SPOCK3: variants seen among roughly 807,000 people sequenced by gnomAD.
SPOCK3 encodes the protein SPARC (osteonectin), cwcv and kazal like domains proteoglycan 3, also known as testican-3.
SPOCK3 carries 30 observed loss-of-function variants against 56.6 expected under a neutral mutation model. That is an observed-to-expected ratio of 0.53 (90% CI 0.40 to 0.72). The LOEUF is 0.72. SPOCK3 is among the 30% of genes least tolerant of loss of function. SPOCK3 has a pLI of 0.00. For missense variants in SPOCK3, 527 were observed against 530.0 expected (o/e 0.99, Z 0.06); for synonymous variants, 196 against 183.3 (o/e 1.07, Z -0.56).
At position 166,986,454 on chromosome 4, in the gene SPOCK3, T is replaced by C. The variant is rs184727405; in HGVS notation, c.350+13895A>G. Among the ~76,000 whole-genome samples the C allele has an allele frequency of 4.4e-4, 67 of 152,296 alleles. No homozygotes were observed. The East Asian group carries it at 0.013, about 29-fold the overall frequency. On this transcript the variant is annotated intron_variant, in intron 4 of 10. Transcript: ENST00000357545. ...GAAACACATATCACACAGATTGCCTTGTCACGGTGTCCCCTTAGCCTGTCT... is the reference window on the plus strand; with the variant it reads ...GAAACACATATCACACAGATTGCCTCGTCACGGTGTCCCCTTAGCCTGTCT...
intron 3 of SPOCK3, among the ~76,000 whole-genome samples, chr4:167,050,769 T>A (rs1025232160): frequency 6.6e-6 from 1 of 152,168 alleles, no homozygotes; most frequent in Admixed American, 6.5e-5. Flanking sequence ...TTGAAGACAT[T>A]ACACTAAGTG....
chr4:166,948,144 C>A (rs898713614), intron 4 of SPOCK3, among the ~76,000 whole-genome samples: 1 of 152,126 alleles, frequency 6.6e-6, no homozygotes. Context: ...GCTTATTTCA[C>A]TTAACATAAT....
rs1419251842 is a variant in SPOCK3, at chr4:166,734,110, A to G, written c.*811T>C. On this transcript the variant is annotated 3_prime_UTR_variant, in exon 11 of 11. Coordinates refer to ENST00000357545, the MANE Select transcript of SPOCK3 (RefSeq NM_001040159.2). The stretch of plus-strand genomic sequence containing the variant: ...ACTTTGTAAAAATATGGTTTAAATG[A>G]ATCTTTCCCTTTGTCTTCCTAATTT... The G allele has an allele frequency of 6.6e-6, 1 of 151,946 alleles. No homozygotes were observed. Among genetic ancestry groups the G allele is most frequent in the Non-Finnish European group, 1.5e-5 (1 of 67,830 alleles). The allele number at this position is 151,946 out of a possible 1,614,324, so 9.4% of individuals were successfully genotyped here. A position where few individuals can be genotyped will look rare whatever the true frequency, so the allele number is the denominator to read the frequency against.
intron 6 of SPOCK3, among the ~76,000 whole-genome samples, chr4:166,852,387 G>T (rs532528779): frequency 2.6e-5 from 4 of 152,080 alleles, no homozygotes. Flanking sequence ...CTGAGGTGCT[G>T]CCATGATAGG....
intron 6 of SPOCK3, among the ~76,000 whole-genome samples, chr4:166,801,631 T>C (rs1269268980): frequency 9.2e-5 from 14 of 152,074 alleles, no homozygotes; most frequent in Non-Finnish European, 1.5e-5. Flanking sequence ...TCTCAATACA[T>C]ATAGACAACT....
At chr4:167,013,788 A>T (rs1579996425) in intron 3 of SPOCK3, among the ~76,000 whole-genome samples, 1 of 152,036 alleles carries the variant, frequency 6.6e-6, no homozygotes, top group Non-Finnish European at 1.5e-5. Flanking sequence ...GTTTATCGGT[A>T]GTTCCTTGAT....
intron 2 of SPOCK3, among the ~76,000 whole-genome samples, chr4:167,080,868 CTCTT>C (rs1270983309): frequency 8.7e-5 from 13 of 149,510 alleles, no homozygotes; most frequent in South Asian, 4.2e-4. Flanking sequence ...GTCCTATATT[CTCTT>C]TCTTTCTTTT....
At chr4:167,153,801 C>T (rs1006211421) in intron 2 of SPOCK3, among the ~76,000 whole-genome samples, 3 of 152,152 alleles carry the variant, frequency 2.0e-5, no homozygotes, top group Admixed American at 6.5e-5. Context: ...CATCAACTAA[C>T]AAAGACAATT....
chr4:167,155,610 T>G (rs1764750987), intron 2 of SPOCK3, among the ~76,000 whole-genome samples: 1 of 152,182 alleles, frequency 6.6e-6, no homozygotes, highest in African/African-American at 2.4e-5. Context: ...TTAATTCACT[T>G]GAGTTTTAAA....
chr4:166,876,876 A>G (rs766040363), intron 6 of SPOCK3, among the ~76,000 whole-genome samples: 17 of 152,154 alleles, frequency 1.1e-4, no homozygotes, highest in Non-Finnish European at 2.2e-4. Context: ...ACAAGAAAAA[A>G]GTTTACATTT....
At chr4:167,049,192 C>T (rs1182554779) in intron 3 of SPOCK3, among the ~76,000 whole-genome samples, 1 of 151,496 alleles carries the variant, frequency 6.6e-6, no homozygotes. Context: ...GCAACCTCTG[C>T]CTCCTGGGTT....
chr4:167,097,218 G>T (rs1759237542), intron 2 of SPOCK3, among the ~76,000 whole-genome samples: 1 of 151,626 alleles, frequency 6.6e-6, no homozygotes, highest in African/African-American at 2.4e-5. Flanking sequence ...TTAAATAACT[G>T]CTTTCTATTT....
At chr4:166,919,010 C>T (rs539856702) in intron 4 of SPOCK3, among the ~76,000 whole-genome samples, 8 of 152,282 alleles carry the variant, frequency 5.3e-5, no homozygotes, top group Non-Finnish European at 1.0e-4. Context: ...AGTGGAAGCA[C>T]TCTGGGGCTC....
chr4:167,229,502 C>A (rs1278552163), intron 2 of SPOCK3, among the ~76,000 whole-genome samples: 1 of 152,036 alleles, frequency 6.6e-6, no homozygotes, highest in African/African-American at 2.4e-5. Flanking sequence ...GATAGACCCT[C>A]GAGAATCTTT....
intron 2 of SPOCK3, among the ~76,000 whole-genome samples, chr4:167,110,787 A>T (rs1474972535): frequency 6.6e-6 from 1 of 151,814 alleles, no homozygotes; most frequent in Non-Finnish European, 1.5e-5. Flanking sequence ...AAATATCTCT[A>T]AAAAAAATTC....
intron 4 of SPOCK3, among the ~76,000 whole-genome samples, chr4:166,965,466 TTG>T (rs1429262559): frequency 6.6e-6 from 1 of 151,836 alleles, no homozygotes; most frequent in African/African-American, 2.4e-5. Flanking sequence ...AGACTCTGGT[TTG>T]GTATTTTTTT....
chr4:166,800,183 G>GC (rs1742412801), intron 6 of SPOCK3, among the ~76,000 whole-genome samples: 1 of 51,776 alleles, frequency 1.9e-5, no homozygotes, highest in African/African-American at 7.9e-5. Flanking sequence ...CTCCATCTCA[G>GC]AAAAAAAAAA....
chr4:166,778,487 A>C (rs768760427), intron 7 of SPOCK3, among the ~76,000 whole-genome samples: 1 of 152,210 alleles, frequency 6.6e-6, no homozygotes, highest in Non-Finnish European at 1.5e-5. Flanking sequence ...GTACTGTAAT[A>C]CTGTCAGATT....
chr4:167,220,204 T>C (rs1421497875), intron 2 of SPOCK3, among the ~76,000 whole-genome samples: 1 of 152,102 alleles, frequency 6.6e-6, no homozygotes, highest in Admixed American at 6.6e-5. Flanking sequence ...AAGAAAATAA[T>C]TCCTTTTTCC....
Sources: allele counts gnomAD v4.1 joint callset (sites outside exome capture counted in the v4.1 genomes callset), GRCh38; gene constraint gnomAD v4.1.1; transcripts MANE v1.5; gene names NCBI Gene and HGNC (gene_info 2026-07-23, HGNC 2026-07-21).